Variants in PARD3B observed in about 807,000 individuals in gnomAD.
PARD3B encodes partitioning defective 3 homolog B.
Under a neutral mutation model 130.2 loss-of-function variants are expected in PARD3B, and 103 were observed. That is an observed-to-expected ratio of 0.79 (90% CI 0.67 to 0.93). PARD3B has a LOEUF of 0.93. Among genes scored for constraint, PARD3B ranks in the 40% least tolerant of loss-of-function variants. The pLI, the probability that PARD3B is intolerant of heterozygous loss-of-function variation, is 0.00. For missense variants in PARD3B, 1,609 were observed against 1,499.2 expected, an observed-to-expected ratio of 1.07 and a Z score of -1.21; for synonymous variants, 583 against 553.2, an observed-to-expected ratio of 1.05 and a Z score of -0.76.
intron 1 of PARD3B, among the ~76,000 whole-genome samples, chr2:204,565,709 G>A (rs964998135): frequency 1.3e-5 from 2 of 152,116 alleles, no homozygotes; most frequent in African/African-American, 4.8e-5. Context: ...TCATTCTCAA[G>A]AAATACCTAT....
chr2:205,513,003 A>G (rs1182550806), intron 21 of PARD3B, among the ~76,000 whole-genome samples: 1 of 94,996 alleles, frequency 1.1e-5, no homozygotes, highest in East Asian at 2.8e-4. Flanking sequence ...TTTTTTTTTT[A>G]GTATGAACCA....
At chr2:205,155,064 A>G (rs1035450423) in intron 10 of PARD3B, among the ~76,000 whole-genome samples, 1 of 147,058 alleles carries the variant, frequency 6.8e-6, no homozygotes, top group Admixed American at 6.7e-5. Flanking sequence ...TTCATTTCAA[A>G]AAAAAAAACA....
chr2:204,818,130 G>A (rs1437284014), intron 2 of PARD3B, among the ~76,000 whole-genome samples: 1 of 152,118 alleles, frequency 6.6e-6, no homozygotes, highest in Non-Finnish European at 1.5e-5. Context: ...ATCTGCTTTA[G>A]CATTCAGCAG....
At chr2:205,413,478 A>G (rs576915449) in intron 19 of PARD3B, among the ~76,000 whole-genome samples, 1 of 152,254 alleles carries the variant, frequency 6.6e-6, no homozygotes, top group Admixed American at 6.5e-5. Context: ...TGAATGAACA[A>G]CTATAAAACC....
chr2:205,037,406 CTA>C (rs1445477367), intron 3 of PARD3B, among the ~76,000 whole-genome samples: 1 of 144,718 alleles, frequency 6.9e-6, no homozygotes, highest in Non-Finnish European at 1.5e-5. Flanking sequence ...ATATAGTGGA[CTA>C]TATGTATAAA....
intron 2 of PARD3B, among the ~76,000 whole-genome samples, chr2:204,963,588 T>G (rs139412301): frequency 6.6e-6 from 1 of 152,188 alleles, no homozygotes; most frequent in Non-Finnish European, 1.5e-5. Context: ...GAAATAGTGA[T>G]GAAAATCACA....
intron 20 of PARD3B, among the ~76,000 whole-genome samples, chr2:205,444,792 A>T (rs990950739): frequency 3.3e-5 from 5 of 152,200 alleles, no homozygotes; most frequent in Non-Finnish European, 5.9e-5. Flanking sequence ...CTTTAACTTA[A>T]AACAAAGACA....
intron 5 of PARD3B, among the ~76,000 whole-genome samples, chr2:205,113,275 A>G (rs1259965234): frequency 6.6e-6 from 1 of 152,154 alleles, no homozygotes; most frequent in Non-Finnish European, 1.5e-5. Flanking sequence ...TCTAGGAGTA[A>G]AAGTAAGAAA....
chr2:205,429,573 A>G (rs1369939341), intron 19 of PARD3B, among the ~76,000 whole-genome samples: 1 of 152,236 alleles, frequency 6.6e-6, no homozygotes, highest in Non-Finnish European at 1.5e-5. Flanking sequence ...GCATTACTAA[A>G]GACAATCAGA....
At chr2:204,708,514 C>A (rs2038287881) in intron 2 of PARD3B, among the ~76,000 whole-genome samples, 1 of 152,122 alleles carries the variant, frequency 6.6e-6, no homozygotes. Context: ...TTTTAGAATT[C>A]TTTGATCAAA....
In PARD3B at chr2:204,606,362, C is replaced by T. The variant is rs903749042; in HGVS notation, c.120+60243C>T. Among the ~76,000 whole-genome samples, 1 of 152,128 alleles carries T rather than the reference C, an allele frequency of 6.6e-6. No homozygotes were observed. The highest frequency in any genetic ancestry group is 2.4e-5 in the African/African-American group (1 of 41,444). ...TTTTTTAGTACTTTAGTTTCTCAGT[C>T]ATGCTTTTGTCCATGGTGAGTCAAT... On this transcript the variant is annotated intron_variant, in intron 1 of 22. Coordinates refer to ENST00000406610, the MANE Select transcript of PARD3B (RefSeq NM_001302769.2). This position sits in a 1 kb window ranked among gnomAD's most constrained non-coding sequence, Gnocchi z 4.0.
chr2:204,554,007 T>G (rs1238708546), intron 1 of PARD3B, among the ~76,000 whole-genome samples: 1 of 151,936 alleles, frequency 6.6e-6, no homozygotes, highest in African/African-American at 2.4e-5. Flanking sequence ...AGTCATGTAA[T>G]GAATCACCAC....
At chr2:205,073,837 G>A (rs1455592344) in intron 4 of PARD3B, among the ~76,000 whole-genome samples, 2 of 152,094 alleles carry the variant, frequency 1.3e-5, no homozygotes, top group Admixed American at 1.3e-4. Context: ...TTCCAAATAA[G>A]GAATATAAAC....
At chr2:205,060,661 A>G (rs775803223) in intron 4 of PARD3B, among the ~76,000 whole-genome samples, 23 of 152,116 alleles carry the variant, frequency 1.5e-4, no homozygotes, top group Admixed American at 4.6e-4. Flanking sequence ...TGCTTAATAT[A>G]TGTTAATAAT....
intron 19 of PARD3B, among the ~76,000 whole-genome samples, chr2:205,413,855 T>C (rs929316302): frequency 6.6e-6 from 1 of 152,164 alleles, no homozygotes; most frequent in African/African-American, 2.4e-5. Flanking sequence ...TGTGTCCCCA[T>C]CCCCTTTCAT....
At chr2:204,775,767 C>T (rs2041592627) in intron 2 of PARD3B, among the ~76,000 whole-genome samples, 1 of 152,164 alleles carries the variant, frequency 6.6e-6, no homozygotes, top group Admixed American at 6.6e-5. Context: ...GCTTCAGTTT[C>T]TGGCAGGTGC....
chr2:204,920,235 A>G (rs925700475), intron 2 of PARD3B, among the ~76,000 whole-genome samples: 1 of 152,152 alleles, frequency 6.6e-6, no homozygotes, highest in Non-Finnish European at 1.5e-5. Flanking sequence ...TAGTAAATGT[A>G]TACACTTTCG....
At chr2:205,390,745 C>A (rs758064663) in intron 18 of PARD3B, among the ~76,000 whole-genome samples, 1 of 152,084 alleles carries the variant, frequency 6.6e-6, no homozygotes, top group Admixed American at 6.5e-5. Flanking sequence ...ATCATTTCTT[C>A]ATATTGTCCG....
chr2:205,523,839 A>G (rs562538968), intron 21 of PARD3B, among the ~76,000 whole-genome samples: 5 of 112,138 alleles, frequency 4.5e-5, no homozygotes, highest in Admixed American at 8.9e-5. Flanking sequence ...TTTTTTGAGT[A>G]ATTTTAGTTC....
Sources: gnomAD v4.1 joint callset for allele counts (sites outside exome capture counted in the v4.1 genomes callset) on GRCh38, gnomAD v4.1.1 for gene constraint, Gnocchi (gnomAD v3.1) non-coding constraint, MANE v1.5 for transcripts, NCBI Gene and HGNC (gene_info 2026-07-23, HGNC 2026-07-21) for gene names.